Variants in DOCK1 observed in about 807,000 individuals in gnomAD.
DOCK1 encodes dedicator of cytokinesis 1.
A neutral mutation model predicts 262.7 loss-of-function variants in DOCK1; 138 were observed. The ratio of observed to expected loss-of-function variants is 0.53; its 90% CI spans 0.46 to 0.61. The LOEUF is 0.61. Ranked by LOEUF, DOCK1 falls within the 20% of genes least tolerant of loss-of-function variation. The probability of loss-of-function intolerance (pLI) is 0.00; values close to 1 mark genes in which losing one functional copy is unlikely to be tolerated. For missense variants in DOCK1, 1,908 were observed against 2,370.7 expected (o/e 0.80, Z 4.05); for synonymous variants, 866 against 867.4 (o/e 1.00, Z 0.03).
chr10:127,164,133 C>T (rs181139544), intron 27 of DOCK1, among the ~76,000 whole-genome samples: 31 of 147,322 alleles, frequency 2.1e-4, no homozygotes, highest in Admixed American at 1.3e-3. Flanking sequence ...CTCCCTTGGC[C>T]CTTTGTCTTC....
rs376208957 is a variant in DOCK1, at chr10:127,008,837, A to C, written c.1058+33A>C. On this transcript the variant is annotated intron_variant, in intron 11 of 51. Coordinates refer to ENST00000623213, the MANE Select transcript of DOCK1 (RefSeq NM_001290223.2). Reference sequence around the variant, plus strand: ...TGGAGCAATTCAAGTACTTAGCCAGATATAATGTGGAAAACATAGGCTTGT... The same window carrying C: ...TGGAGCAATTCAAGTACTTAGCCAGCTATAATGTGGAAAACATAGGCTTGT... 7.2e-6 allele frequency: 11 copies of C among 1,529,354 alleles called. No homozygotes were observed. The African/African-American group carries it at 1.2e-4, about 17-fold the overall frequency. 94.7% of individuals were successfully genotyped at this position (1,529,354 alleles called of 1,614,324 possible). A position where few individuals can be genotyped will look rare whatever the true frequency, so the allele number is the denominator to read the frequency against.
chr10:127,321,630 C>G (rs1040803627), intron 29 of DOCK1, among the ~76,000 whole-genome samples: 9 of 151,916 alleles, frequency 5.9e-5, no homozygotes, highest in Non-Finnish European at 1.3e-4. Context: ...GAACCCACTC[C>G]CCATGGCTGT....
At chr10:127,221,673 A>C (rs1432655094) in intron 27 of DOCK1, among the ~76,000 whole-genome samples, 1 of 152,176 alleles carries the variant, frequency 6.6e-6, no homozygotes, top group Non-Finnish European at 1.5e-5. Context: ...GCTCAAGGTC[A>C]TGTGTCCTTT....
At chr10:127,068,766 T>C (rs1308134618) in intron 23 of DOCK1, among the ~76,000 whole-genome samples, 1 of 152,226 alleles carries the variant, frequency 6.6e-6, no homozygotes, top group African/African-American at 2.4e-5. Context: ...CACATATAAA[T>C]GTAACATATG....
intron 27 of DOCK1, among the ~76,000 whole-genome samples, chr10:127,154,977 A>C (rs886684624): frequency 6.6e-6 from 1 of 152,164 alleles, no homozygotes; most frequent in Non-Finnish European, 1.5e-5. Context: ...CATTTTTAAC[A>C]TGCAGATGTG....
chr10:127,097,636 C>G (rs1286051609), intron 23 of DOCK1, among the ~76,000 whole-genome samples: 1 of 152,190 alleles, frequency 6.6e-6, no homozygotes, highest in Non-Finnish European at 1.5e-5. Context: ...ACCGTCCCCC[C>G]ACTGGTGGAC....
intron 16 of DOCK1, 107 bp downstream of exon 16, chr10:127,026,531 A>G: frequency 2.0e-6 from 2 of 1,009,034 alleles, no homozygotes; most frequent in Non-Finnish European, 3.0e-6. Context: ...ATAACACAAT[A>G]AGGCTCATTT....
intron 32 of DOCK1, among the ~76,000 whole-genome samples, chr10:127,355,949 TG>T (rs2064124549): frequency 6.6e-6 from 1 of 152,180 alleles, no homozygotes; most frequent in Non-Finnish European, 1.5e-5. Context: ...TGCTCCTGGG[TG>T]GGGATGAAGA....
At chr10:127,076,847 G>A (rs2046590132) in intron 23 of DOCK1, among the ~76,000 whole-genome samples, 2 of 152,248 alleles carry the variant, frequency 1.3e-5, no homozygotes, top group African/African-American at 4.8e-5. Flanking sequence ...TTTCCATGTT[G>A]GGGGCCCCTG....
intron 49 of DOCK1, among the ~76,000 whole-genome samples, chr10:127,442,710 A>T (rs2070255143): frequency 6.6e-6 from 1 of 152,208 alleles, no homozygotes; most frequent in Admixed American, 6.5e-5. Context: ...CCTTCAGCCA[A>T]TTCCTAGACT....
At chr10:127,102,855 A>G (rs1279440761) in intron 23 of DOCK1, among the ~76,000 whole-genome samples, 2 of 152,124 alleles carry the variant, frequency 1.3e-5, no homozygotes, top group African/African-American at 4.8e-5. Flanking sequence ...AAAAGGTACA[A>G]TTTACATACA....
chr10:126,944,562 C>T (rs900046646), intron 1 of DOCK1, among the ~76,000 whole-genome samples: 1 of 151,994 alleles, frequency 6.6e-6, no homozygotes, highest in Non-Finnish European at 1.5e-5. Context: ...AACAACTGCG[C>T]AAAGGACTGA....
At chr10:127,364,502 A>G (rs2133962494) in intron 33 of DOCK1, among the ~76,000 whole-genome samples, 1 of 152,144 alleles carries the variant, frequency 6.6e-6, no homozygotes, top group East Asian at 1.9e-4. Flanking sequence ...AGTAGCTGGG[A>G]TTACAGGTGC....
intron 27 of DOCK1, among the ~76,000 whole-genome samples, chr10:127,203,166 A>T (rs979025705): frequency 6.6e-6 from 1 of 152,234 alleles, no homozygotes; most frequent in Admixed American, 6.5e-5. Flanking sequence ...AAAATGATTC[A>T]TCACAATATA....
chr10:127,245,366 C>T (rs1322136505), intron 27 of DOCK1, among the ~76,000 whole-genome samples: 1 of 152,228 alleles, frequency 6.6e-6, no homozygotes, highest in Non-Finnish European at 1.5e-5. Flanking sequence ...GTAAAGAGGG[C>T]ACGCACAGTG....
intron 27 of DOCK1, among the ~76,000 whole-genome samples, chr10:127,203,518 C>G (rs1489001904): frequency 6.6e-6 from 1 of 152,122 alleles, no homozygotes; most frequent in East Asian, 1.9e-4. Context: ...CATTGGAAAG[C>G]AAGCATTTTA....
intron 27 of DOCK1, among the ~76,000 whole-genome samples, chr10:127,131,590 A>T (rs1464818389): frequency 6.6e-6 from 1 of 152,212 alleles, no homozygotes; most frequent in East Asian, 1.9e-4. Flanking sequence ...GAGCAGTGTG[A>T]GTGAAATGCT....
intron 38 of DOCK1, among the ~76,000 whole-genome samples, chr10:127,396,754 C>CCA (rs2066875290): frequency 3.7e-5 from 5 of 134,162 alleles, no homozygotes; most frequent in Admixed American, 3.0e-4. Context: ...ATCTCTGTTA[C>CCA]AAAAAAAAAA....
At chr10:126,927,834 A>T (rs1014599007) in intron 1 of DOCK1, among the ~76,000 whole-genome samples, 1 of 152,164 alleles carries the variant, frequency 6.6e-6, no homozygotes, top group East Asian at 1.9e-4. Flanking sequence ...GTGAAGAACA[A>T]CACCAGCTTG....
Sources: gnomAD v4.1 joint callset for allele counts (sites outside exome capture counted in the v4.1 genomes callset) on GRCh38, gnomAD v4.1.1 for gene constraint, MANE v1.5 for transcripts, NCBI Gene and HGNC (gene_info 2026-07-23, HGNC 2026-07-21) for gene names.